The following RIMS2 variants were observed in gnomAD, a reference collection of about 807,000 sequenced individuals.
RIMS2 encodes the protein regulating synaptic membrane exocytosis protein 2.
A neutral mutation model predicts 174.4 loss-of-function variants in RIMS2; 59 were observed. That is an observed-to-expected ratio of 0.34 (90% CI 0.27 to 0.42). The LOEUF (loss-of-function observed/expected upper bound fraction) is 0.42. RIMS2 is among the 10% of genes least tolerant of loss of function. The probability of loss-of-function intolerance (pLI) is 1.00; values close to 1 mark genes in which losing one functional copy is unlikely to be tolerated. For synonymous variants in RIMS2, 606 were observed against 572.5 expected, an observed-to-expected ratio of 1.06 and a Z score of -0.84; for missense variants, 1,620 against 1,666.3, an observed-to-expected ratio of 0.97 and a Z score of 0.48.
At chr8:104,224,709 A>T (rs972588424) in intron 19 of RIMS2, among the ~76,000 whole-genome samples, 6 of 152,178 alleles carry the variant, frequency 3.9e-5, no homozygotes, top group African/African-American at 1.4e-4. Context: ...TTATTAGGAC[A>T]TCTGTAGTGA....
At chr8:103,605,816 A>G (rs1311471595) in intron 1 of RIMS2, among the ~76,000 whole-genome samples, 1 of 151,802 alleles carries the variant, frequency 6.6e-6, no homozygotes. Flanking sequence ...CTCTGATGGT[A>G]GTTTGTATTT....
At chr8:104,187,285 G>C (rs981499612) in intron 19 of RIMS2, among the ~76,000 whole-genome samples, 3 of 151,668 alleles carry the variant, frequency 2.0e-5, no homozygotes, top group Non-Finnish European at 4.4e-5. Context: ...TGTTGTTTGA[G>C]GTTAATTCCT....
intron 19 of RIMS2, among the ~76,000 whole-genome samples, chr8:104,109,244 C>A (rs1444762630): frequency 6.8e-6 from 1 of 147,562 alleles, no homozygotes. Context: ...TTGCAGTGAG[C>A]CGAGATGGCA....
chr8:103,925,106 TA>T (rs1341572935), intron 10 of RIMS2, among the ~76,000 whole-genome samples: 2 of 151,598 alleles, frequency 1.3e-5, no homozygotes, highest in African/African-American at 4.8e-5. Context: ...AGTTTTATAA[TA>T]GGGCGTTATA....
chr8:103,630,655 A>G (rs997244846), intron 1 of RIMS2, among the ~76,000 whole-genome samples: 1 of 151,718 alleles, frequency 6.6e-6, no homozygotes, highest in African/African-American at 2.4e-5. Flanking sequence ...AAAGACTATG[A>G]TAAGTCACAC....
chr8:103,564,064 C>T (rs1163527303), intron 1 of RIMS2, among the ~76,000 whole-genome samples: 4 of 152,192 alleles, frequency 2.6e-5, no homozygotes, highest in African/African-American at 9.7e-5. Context: ...CCTTAAATCA[C>T]AGTCCACATT....
chr8:103,765,301 G>A (rs778185649), intron 2 of RIMS2, among the ~76,000 whole-genome samples: 1 of 152,122 alleles, frequency 6.6e-6, no homozygotes, highest in Non-Finnish European at 1.5e-5. Context: ...ATTACAATAT[G>A]TTTAGATTTC....
intron 2 of RIMS2, among the ~76,000 whole-genome samples, chr8:103,753,176 G>A (rs2097917342): frequency 1.3e-5 from 2 of 152,092 alleles, no homozygotes; most frequent in Non-Finnish European, 2.9e-5. Context: ...GGCCTTTTCT[G>A]CATCTATTGA....
At chr8:103,999,695 A>G (rs2095300017) in intron 17 of RIMS2, among the ~76,000 whole-genome samples, 1 of 151,766 alleles carries the variant, frequency 6.6e-6, no homozygotes, top group Non-Finnish European at 1.5e-5. Flanking sequence ...GTCATATCAC[A>G]TCACTTTTTC....
Position 104,170,215 on chromosome 8 carries a change from G to T in RIMS2, c.3335-74701G>T, listed in dbSNP as rs149673959. Among the ~76,000 whole-genome samples the T allele has an allele frequency of 3.2e-3, 480 of 151,864 alleles. 2 individuals are homozygous for T. The highest frequency in any genetic ancestry group is 0.011 in the African/African-American group (453 of 41,488). ...TGGTTTAGTTTAAGTCCATTTTTTT[G>T]TTGTTGTTGACTTTCCGTCTTGAGG... On this transcript the variant is annotated intron_variant, in intron 19 of 23. Coordinates refer to ENST00000504942, the Ensembl canonical transcript of RIMS2.
intron 15 of RIMS2, among the ~76,000 whole-genome samples, chr8:103,973,039 A>G (rs1200095479): frequency 1.3e-5 from 2 of 152,200 alleles, no homozygotes; most frequent in African/African-American, 4.8e-5. Context: ...TTAGAGTTCT[A>G]TTGGACAATA....
exon 12 of RIMS2, chr8:103,931,349 G>A: frequency 6.2e-7 from 1 of 1,606,118 alleles, no homozygotes; most frequent in Non-Finnish European, 8.5e-7. Context: ...AAGATGGGAG[G>A]CCAAGGAATC....
At chr8:104,248,923 C>G (rs1327544959) in intron 21 of RIMS2, 110 bp downstream of exon 27, 3 of 562,512 alleles carry the variant, frequency 5.3e-6, no homozygotes, top group Admixed American at 3.6e-5. Flanking sequence ...TTCCCTCTCT[C>G]TCTCCCTCTA....
intron 2 of RIMS2, among the ~76,000 whole-genome samples, chr8:103,733,659 G>C (rs2097642032): frequency 6.6e-6 from 1 of 152,188 alleles, no homozygotes; most frequent in Non-Finnish European, 1.5e-5. Context: ...GGTGGTAGCT[G>C]AGTGCTGGCT....
chr8:104,109,626 A>G (rs1001702255), intron 19 of RIMS2, among the ~76,000 whole-genome samples: 1 of 152,210 alleles, frequency 6.6e-6, no homozygotes, highest in Non-Finnish European at 1.5e-5. Flanking sequence ...GGAAAGAGGA[A>G]AAGTAAATTT....
chr8:104,051,809 A>G (rs1418677340), intron 19 of RIMS2, among the ~76,000 whole-genome samples: 2 of 152,230 alleles, frequency 1.3e-5, no homozygotes, highest in African/African-American at 4.8e-5. Flanking sequence ...TGAGAAAAAA[A>G]TAAGTCCTAG....
At chr8:104,147,270 C>T (rs1320066956) in intron 19 of RIMS2, among the ~76,000 whole-genome samples, 1 of 152,082 alleles carries the variant, frequency 6.6e-6, no homozygotes, top group Non-Finnish European at 1.5e-5. Context: ...CACACTAACT[C>T]TCTTTGTCCT....
At chr8:103,625,369 T>A (rs1352613805) in intron 1 of RIMS2, among the ~76,000 whole-genome samples, 1 of 152,176 alleles carries the variant, frequency 6.6e-6, no homozygotes, top group Non-Finnish European at 1.5e-5. Context: ...GTTGAAGAGC[T>A]ACATTCTAGA....
chr8:103,883,752 T>C (rs2099182903), intron 3 of RIMS2, among the ~76,000 whole-genome samples: 1 of 151,798 alleles, frequency 6.6e-6, no homozygotes, highest in South Asian at 2.1e-4. Flanking sequence ...ACAGAAGCCA[T>C]TATTGTCAAG....
Sources: gnomAD v4.1 joint callset for allele counts (sites outside exome capture counted in the v4.1 genomes callset) on GRCh38, gnomAD v4.1.1 for gene constraint, MANE v1.5 for transcripts, NCBI Gene and HGNC (gene_info 2026-07-23, HGNC 2026-07-21) for gene names.